The following DYNC1I1 variants were observed in gnomAD, a reference collection of about 807,000 sequenced individuals.
DYNC1I1 encodes the protein cytoplasmic dynein 1 intermediate chain 1.
DYNC1I1 carries 43 observed loss-of-function variants against 86.6 expected under a neutral mutation model. The observed-to-expected ratio is 0.50, with a 90% CI of 0.39 to 0.64. The LOEUF (loss-of-function observed/expected upper bound fraction) is 0.64. DYNC1I1 is among the 30% of genes least tolerant of loss of function. The pLI is 0.00. For missense variants in DYNC1I1, 604 were observed against 788.8 expected (o/e 0.77, Z 2.81); for synonymous variants, 262 against 283.7 (o/e 0.92, Z 0.77).
intron 6 of DYNC1I1, among the ~76,000 whole-genome samples, chr7:95,907,239 C>G (rs1791199605): frequency 6.6e-6 from 1 of 152,102 alleles, no homozygotes; most frequent in Non-Finnish European, 1.5e-5. Context: ...TATCCTTGCC[C>G]CGCTTTTTCA....
At chr7:96,013,054 C>T (rs1794313662) in intron 10 of DYNC1I1, among the ~76,000 whole-genome samples, 1 of 151,998 alleles carries the variant, frequency 6.6e-6, no homozygotes, top group South Asian at 2.1e-4. Flanking sequence ...CCTAAAATCT[C>T]ACAAATTGAG....
intron 6 of DYNC1I1, among the ~76,000 whole-genome samples, chr7:95,870,460 C>T (rs1790133857): frequency 6.6e-6 from 1 of 152,212 alleles, no homozygotes; most frequent in South Asian, 2.1e-4. Flanking sequence ...TGGTTACTTT[C>T]TTGCTGCAGT....
chr7:95,952,464 G>A (rs1435729709), intron 6 of DYNC1I1, among the ~76,000 whole-genome samples: 1 of 152,146 alleles, frequency 6.6e-6, no homozygotes, highest in African/African-American at 2.4e-5. Context: ...CTAAGACGTA[G>A]ATTTAAGATT....
chr7:95,795,885 A>G (rs1030841174), intron 1 of DYNC1I1, among the ~76,000 whole-genome samples: 2 of 151,962 alleles, frequency 1.3e-5, no homozygotes, highest in Admixed American at 6.6e-5. Flanking sequence ...GAACTTAAAA[A>G]TAAAAGTTAA....
chr7:96,027,393 T>C (rs909055855), intron 10 of DYNC1I1, among the ~76,000 whole-genome samples: 4 of 152,232 alleles, frequency 2.6e-5, no homozygotes, highest in Non-Finnish European at 5.9e-5. Context: ...TTTAAGTGCA[T>C]TATGGTTCTA....
At chr7:95,853,864 A>G (rs1338779565) in intron 5 of DYNC1I1, among the ~76,000 whole-genome samples, 2 of 152,192 alleles carry the variant, frequency 1.3e-5, no homozygotes, top group Middle Eastern at 3.2e-3. Flanking sequence ...TTATGGATAT[A>G]ACAACTGTGG....
At chr7:95,778,694 C>T (rs1490788856) in intron 1 of DYNC1I1, among the ~76,000 whole-genome samples, 1 of 152,034 alleles carries the variant, frequency 6.6e-6, no homozygotes, top group Non-Finnish European at 1.5e-5. Context: ...CAGGGTCTTA[C>T]TCTGTTGCTT....
intron 1 of DYNC1I1, 34 bp from the exon 2 acceptor site, chr7:95,804,687 A>G (rs757158083): frequency 3.9e-6 from 6 of 1,530,692 alleles, no homozygotes; most frequent in Non-Finnish European, 5.2e-6. Flanking sequence ...AGTTATTTAT[A>G]TATATGTTCA....
chr7:96,032,869 A>C, intron 12 of DYNC1I1, 89 bp downstream of exon 12: 1 of 1,127,272 alleles, frequency 8.9e-7, no homozygotes, highest in South Asian at 1.4e-5. Flanking sequence ...CCAAACCCTC[A>C]CATCCTAGAG....
In DYNC1I1 at chr7:95,994,029, G is replaced by C. The variant is rs1202912248; in HGVS notation, c.844-1919G>C. 3.3e-5 allele frequency among the ~76,000 whole-genome samples: 5 copies of C among 152,236 alleles called. No homozygotes were observed. In the East Asian group the frequency reaches 9.7e-4, roughly 29 times the overall value. ...TTTATTTAGTAACACTCAGGACAGA[G>C]TTTTTGTAGGGTGAGTAGGTCTTTC... On this transcript the variant is annotated intron_variant, in intron 9 of 16. Transcript: ENST00000447467.
intron 6 of DYNC1I1, among the ~76,000 whole-genome samples, chr7:95,977,254 G>T (rs1218675594): frequency 1.3e-5 from 2 of 152,142 alleles, no homozygotes; most frequent in African/African-American, 4.8e-5. Context: ...CGTGGTGAGG[G>T]CCTGGAGCTG....
chr7:95,951,618 C>T (rs1159259441), intron 6 of DYNC1I1, among the ~76,000 whole-genome samples: 1 of 152,184 alleles, frequency 6.6e-6, no homozygotes, highest in Non-Finnish European at 1.5e-5. Flanking sequence ...CTATCTGAAA[C>T]TTATGCTTTA....
At chr7:95,773,524 T>C (rs972579949) in intron 1 of DYNC1I1, among the ~76,000 whole-genome samples, 1 of 152,136 alleles carries the variant, frequency 6.6e-6, no homozygotes, top group African/African-American at 2.4e-5. Context: ...GTACCTTGGC[T>C]AATAAGATTA....
At chr7:95,856,122 T>TA (rs1416970549) in intron 5 of DYNC1I1, among the ~76,000 whole-genome samples, 8 of 152,154 alleles carry the variant, frequency 5.3e-5, no homozygotes, top group Non-Finnish European at 1.0e-4. Flanking sequence ...CTGTTTTTTT[T>TA]AATATTCTGT....
intron 9 of DYNC1I1, among the ~76,000 whole-genome samples, chr7:95,991,009 A>G (rs1793716126): frequency 6.6e-6 from 1 of 151,210 alleles, no homozygotes; most frequent in African/African-American, 2.4e-5. Flanking sequence ...AGGCTGGGAG[A>G]CAGATCAAGA....
intron 14 of DYNC1I1, among the ~76,000 whole-genome samples, chr7:96,054,085 C>G (rs1789494216): frequency 6.6e-6 from 1 of 152,102 alleles, no homozygotes; most frequent in Non-Finnish European, 1.5e-5. Flanking sequence ...TTGCTGCACC[C>G]ATCAACCCGT....
intron 3 of DYNC1I1, 91 bp downstream of exon 3, chr7:95,810,597 GT>G: frequency 7.4e-6 from 8 of 1,077,536 alleles, no homozygotes; most frequent in Admixed American, 7.2e-5. Context: ...TAAGTCTTTA[GT>G]TTTTTTTAAT....
chr7:95,969,500 G>A (rs530426582), intron 6 of DYNC1I1, among the ~76,000 whole-genome samples: 19 of 152,166 alleles, frequency 1.2e-4, no homozygotes, highest in Non-Finnish European at 2.5e-4. Context: ...TCAAACTGCT[G>A]AAGGTATCCA....
chr7:95,828,273 A>G, intron 5 of DYNC1I1, 157 bp downstream of exon 5: 2 of 764,156 alleles, frequency 2.6e-6, no homozygotes, highest in Admixed American at 2.3e-5. Context: ...AAAGCTTTGA[A>G]GAAAGTCTCT....
Sources: gnomAD v4.1 joint callset for allele counts (sites outside exome capture counted in the v4.1 genomes callset) on GRCh38, gnomAD v4.1.1 for gene constraint, MANE v1.5 for transcripts, NCBI Gene and HGNC (gene_info 2026-07-23, HGNC 2026-07-21) for gene names.